CDHR3: variants seen among roughly 807,000 people sequenced by gnomAD.
CDHR3 encodes cadherin-related family member 3.
CDHR3 carries 79 observed loss-of-function variants against 86.6 expected under a neutral mutation model. The ratio of observed to expected loss-of-function variants is 0.91; its 90% CI spans 0.76 to 1.10. The LOEUF is 1.10. Ranked by LOEUF, CDHR3 falls within the 50% of genes least tolerant of loss-of-function variation. The pLI is 0.00. For synonymous variants in CDHR3, 421 were observed against 402.4 expected, an observed-to-expected ratio of 1.05 and a Z score of -0.55; for missense variants, 1,081 against 1,077.6, an observed-to-expected ratio of 1.00 and a Z score of -0.04.
At chr7:106,024,018 G>A (rs575124496) in intron 14 of CDHR3, among the ~76,000 whole-genome samples, 110 of 152,248 alleles carry the variant, frequency 7.2e-4, no homozygotes, top group East Asian at 5.8e-4. Context: ...AACAACTTTC[G>A]TGGCTTATGC....
At chr7:105,983,808 A>G (rs1018197676) in intron 3 of CDHR3, among the ~76,000 whole-genome samples, 2 of 152,124 alleles carry the variant, frequency 1.3e-5, no homozygotes, top group African/African-American at 4.8e-5. Flanking sequence ...ACAGTTGAGG[A>G]GAGATTTGCA....
rs2115945866 is a variant in CDHR3 at position 106,034,423 on chromosome 7, A to C, written c.*1726A>C. Reference sequence around the variant, plus strand: ...TGTGGGAGACAGACTGGATCCAGCAAATGTAGAGCTTCAGAGAGAGCAGCA... The same window carrying C: ...TGTGGGAGACAGACTGGATCCAGCACATGTAGAGCTTCAGAGAGAGCAGCA... On this transcript the variant is annotated 3_prime_UTR_variant, in exon 19 of 19. Coordinates refer to ENST00000317716, the MANE Select transcript of CDHR3 (RefSeq NM_152750.5). Among the ~76,000 whole-genome samples the C allele has an allele frequency of 6.6e-6, 1 of 152,280 alleles. No individual in the cohort carries two copies. The highest frequency in any genetic ancestry group is 2.4e-5 in the African/African-American group (1 of 41,572).
chr7:105,980,585 G>GTTTTTTTTTTTT (rs56057580), intron 2 of CDHR3, among the ~76,000 whole-genome samples: 1 of 105,540 alleles, frequency 9.5e-6, no homozygotes, highest in Non-Finnish European at 1.8e-5. Context: ...GTAGTGGAAG[G>GTTTTTTTTTTTT]TTTTTTTTTT....
chr7:106,010,417 G>A (rs990122139), intron 8 of CDHR3, among the ~76,000 whole-genome samples: 1 of 152,196 alleles, frequency 6.6e-6, no homozygotes, highest in Non-Finnish European at 1.5e-5. Context: ...TTTAATAAGT[G>A]GTGTCTCTTC....
At chr7:105,989,004 G>A (rs988513416) in intron 4 of CDHR3, among the ~76,000 whole-genome samples, 14 of 152,120 alleles carry the variant, frequency 9.2e-5, no homozygotes, top group African/African-American at 2.9e-4. Flanking sequence ...ATAGTCACAC[G>A]TACGTGAGGG....
At chr7:105,980,489 T>G (rs1224126211) in intron 2 of CDHR3, among the ~76,000 whole-genome samples, 1 of 151,692 alleles carries the variant, frequency 6.6e-6, no homozygotes, top group Non-Finnish European at 1.5e-5. Context: ...TTGTTACATA[T>G]GTATACAGGT....
At position 106,034,144 on chromosome 7, in the gene CDHR3, A is replaced by C. The variant is rs381188; in HGVS notation, c.*1447A>C. Among the ~76,000 whole-genome samples, 64,937 of 152,022 alleles carry C rather than the reference A, an allele frequency of 0.43. 14,751 individuals carry two copies. The highest frequency in any genetic ancestry group is 0.56 in the Middle Eastern group (165 of 294). ...ATACTGGAAGCCCCATCTAGACATA[A>C]AACTCAGACTTCCACCTGTAGGCAT... On this transcript the variant is annotated 3_prime_UTR_variant, in exon 19 of 19. Coordinates refer to ENST00000317716, the MANE Select transcript of CDHR3 (RefSeq NM_152750.5).
intron 18 of CDHR3, among the ~76,000 whole-genome samples, chr7:106,031,797 A>G (rs1231417385): frequency 2.6e-5 from 4 of 151,670 alleles, no homozygotes; most frequent in Non-Finnish European, 5.9e-5. Flanking sequence ...GTTGAGAGAA[A>G]AAAAAAAAAA....
At chr7:105,999,516 C>T (rs1332175801) in intron 6 of CDHR3, among the ~76,000 whole-genome samples, 1 of 152,172 alleles carries the variant, frequency 6.6e-6, no homozygotes, top group Non-Finnish European at 1.5e-5. Context: ...CAGCTTCTAT[C>T]CCCTAAACAT....
At chr7:106,022,752 G>A (rs1585828446) in intron 14 of CDHR3, among the ~76,000 whole-genome samples, 1 of 152,306 alleles carries the variant, frequency 6.6e-6, no homozygotes, top group Admixed American at 6.5e-5. Context: ...TTGTGGCACA[G>A]GAGCTGATTT....
At chr7:105,969,118 C>G (rs1302033351) in intron 1 of CDHR3, among the ~76,000 whole-genome samples, 1 of 119,592 alleles carries the variant, frequency 8.4e-6, no homozygotes, top group South Asian at 3.0e-4. Flanking sequence ...AAAAGTGGGC[C>G]GGGCGTGGTG....
At chr7:106,032,058 T>C (rs748266226) in intron 18 of CDHR3, among the ~76,000 whole-genome samples, 1 of 152,194 alleles carries the variant, frequency 6.6e-6, no homozygotes, top group Non-Finnish European at 1.5e-5. Flanking sequence ...CCATTAGAGA[T>C]TGAACCTAAT....
At chr7:106,027,201 C>T (rs1837488718) in intron 16 of CDHR3, among the ~76,000 whole-genome samples, 2 of 152,014 alleles carry the variant, frequency 1.3e-5, no homozygotes, top group Admixed American at 1.3e-4. Context: ...TTGAGACCAG[C>T]CTGGCCAGCA....
At chr7:105,988,551 A>C (rs766659189) in intron 4 of CDHR3, among the ~76,000 whole-genome samples, 1 of 152,256 alleles carries the variant, frequency 6.6e-6, no homozygotes, top group Non-Finnish European at 1.5e-5. Context: ...CCCCTTTAAA[A>C]TGACAAATCT....
chr7:105,997,945 T>TC (rs1481994001), intron 6 of CDHR3, among the ~76,000 whole-genome samples: 1 of 151,926 alleles, frequency 6.6e-6, no homozygotes, highest in African/African-American at 2.4e-5. Flanking sequence ...TGACGGTCTT[T>TC]TTTTTTTTAA....
intron 8 of CDHR3, among the ~76,000 whole-genome samples, chr7:106,006,404 C>G (rs1252507494): frequency 2.0e-5 from 3 of 152,182 alleles, no homozygotes; most frequent in African/African-American, 7.2e-5. Context: ...AGTCCAAAGT[C>G]TCATCCGAGA....
At chr7:106,022,066 G>T in intron 13 of CDHR3, 132 bp from the exon 14 acceptor site, 1 of 1,100,596 alleles carries the variant, frequency 9.1e-7, no homozygotes. Context: ...CAGCTCTGGT[G>T]TATCAGAGAC....
chr7:106,024,847 C>A (rs1837118409), intron 15 of CDHR3, among the ~76,000 whole-genome samples: 1 of 152,190 alleles, frequency 6.6e-6, no homozygotes, highest in Non-Finnish European at 1.5e-5. Flanking sequence ...CTTCTGATGA[C>A]CTTGCCCTGG....
intron 13 of CDHR3, 71 bp downstream of exon 13, chr7:106,020,615 G>A: frequency 6.6e-7 from 1 of 1,519,346 alleles, no homozygotes; most frequent in African/African-American, 1.4e-5. Flanking sequence ...GTAGGGGTCT[G>A]TGCTCACACA....
Sources: allele counts gnomAD v4.1 joint callset (sites outside exome capture counted in the v4.1 genomes callset), GRCh38; gene constraint gnomAD v4.1.1; transcripts MANE v1.5; gene names NCBI Gene and HGNC (gene_info 2026-07-23, HGNC 2026-07-21).